UBA6: variants seen among roughly 807,000 people sequenced by gnomAD.
The protein encoded by UBA6 is ubiquitin-like modifier-activating enzyme 6.
UBA6 carries 87 observed loss-of-function variants against 148.3 expected under a neutral mutation model. That is an observed-to-expected ratio of 0.59 (90% confidence interval 0.49 to 0.70). The LOEUF (loss-of-function observed/expected upper bound fraction) is 0.70. UBA6 is among the 30% of genes least tolerant of loss of function. The pLI, the probability that UBA6 is intolerant of heterozygous loss-of-function variation, is 0.00. For synonymous variants in UBA6, 376 were observed against 401.0 expected (o/e 0.94, Z 0.75); for missense variants, 1,186 against 1,241.2 (o/e 0.96, Z 0.67).
chr4:67,658,240 A>G (rs1257331520), intron 13 of UBA6, among the ~76,000 whole-genome samples: 1 of 152,226 alleles, frequency 6.6e-6, no homozygotes, highest in Non-Finnish European at 1.5e-5. Flanking sequence ...ACAAATTCAC[A>G]CGTATGTTTA....
chr4:67,681,421 A>AT (rs955827751), intron 4 of UBA6, 142 bp downstream of exon 4: 1 of 542,218 alleles, frequency 1.8e-6, no homozygotes. Context: ...TTCTTTGTAT[A>AT]TTTTTTAAAT....
intron 13 of UBA6, among the ~76,000 whole-genome samples, chr4:67,650,888 A>C (rs141684920): frequency 6.6e-6 from 1 of 152,278 alleles, no homozygotes; most frequent in East Asian, 1.9e-4. Flanking sequence ...TTGAGAGAGA[A>C]AGCTAAAGAG....
At chr4:67,657,408 A>T (rs899629939) in intron 13 of UBA6, among the ~76,000 whole-genome samples, 1 of 152,182 alleles carries the variant, frequency 6.6e-6, no homozygotes, top group African/African-American at 2.4e-5. Context: ...TCTTTGAGAA[A>T]CCTGACAAAA....
intron 17 of UBA6, among the ~76,000 whole-genome samples, 162 bp from the exon 18 acceptor site, chr4:67,641,390 T>C (rs797017434): frequency 2.6e-5 from 4 of 152,190 alleles, no homozygotes; most frequent in African/African-American, 9.6e-5. Context: ...CCAATACTAC[T>C]CTTTTATGTT....
chr4:67,686,436 C>T (rs1052440090), intron 2 of UBA6, among the ~76,000 whole-genome samples: 6 of 152,050 alleles, frequency 3.9e-5, no homozygotes, highest in African/African-American at 1.2e-4. Context: ...ATTAACATAC[C>T]GATTTCAAGC....
chr4:67,638,236 T>G (rs1157808082), intron 19 of UBA6: 1 of 152,888 alleles, frequency 6.5e-6, no homozygotes, highest in African/African-American at 2.4e-5. Flanking sequence ...AACAGAAGAA[T>G]ATGCAAACAG....
intron 18 of UBA6, among the ~76,000 whole-genome samples, chr4:67,640,012 CTA>C (rs1729265898): frequency 1.3e-5 from 2 of 152,196 alleles, no homozygotes; most frequent in South Asian, 2.1e-4. Context: ...GATTTAGTGA[CTA>C]TTTTTAAATC....
At chr4:67,626,077 G>A (rs985965063) in intron 28 of UBA6, among the ~76,000 whole-genome samples, 13 of 151,806 alleles carry the variant, frequency 8.6e-5, no homozygotes, top group African/African-American at 2.9e-4. Context: ...TTTTAGACCT[G>A]CTCACCATCT....
chr4:67,655,790 A>G lies in UBA6; in HGVS notation c.1104+6399T>C, dbSNP rs576933320. Among the ~76,000 whole-genome samples, 44 of 152,366 alleles carry G rather than the reference A, an allele frequency of 2.9e-4. No individual in the cohort carries two copies. In the South Asian group the frequency reaches 8.9e-3, roughly 31 times the overall value. ...AAGATCAACAAATTGATAGACTGCT[A>G]GCAAGACTAATAAAGAAGAAAAGAG... On this transcript the variant is annotated intron_variant, in intron 13 of 32. Coordinates refer to ENST00000322244, the MANE Select transcript of UBA6 (RefSeq NM_018227.6).
intron 2 of UBA6, among the ~76,000 whole-genome samples, chr4:67,690,122 T>C (rs115503774): frequency 0.013 from 1,918 of 152,098 alleles, 40 homozygotes; most frequent in African/African-American, 0.042. Context: ...GAACAGACAG[T>C]TGAGGTAAAA....
intron 13 of UBA6, among the ~76,000 whole-genome samples, chr4:67,658,418 AAAAC>A (rs1482484102): frequency 3.9e-5 from 6 of 152,194 alleles, no homozygotes; most frequent in Admixed American, 3.9e-4. Context: ...AAGTGATGTA[AAAAC>A]AAACTGTAGT....
intron 2 of UBA6, among the ~76,000 whole-genome samples, chr4:67,692,481 A>C (rs1322487909): frequency 1.2e-4 from 18 of 152,158 alleles, no homozygotes; most frequent in Admixed American, 1.2e-3. Context: ...CTAACCCCTG[A>C]GCATTGGAGG....
At chr4:67,692,836 C>G (rs575677940) in intron 2 of UBA6, among the ~76,000 whole-genome samples, 2 of 152,216 alleles carry the variant, frequency 1.3e-5, no homozygotes, top group East Asian at 3.9e-4. Flanking sequence ...AGAAAGAGAA[C>G]ATCATTAAAG....
intron 10 of UBA6, among the ~76,000 whole-genome samples, chr4:67,664,695 C>CA (rs1041087796): frequency 1.1e-4 from 17 of 150,994 alleles, no homozygotes; most frequent in African/African-American, 3.2e-4. Context: ...AATTATTTTA[C>CA]ATTTCCAACA....
chr4:67,683,843 T>C (rs998057957), intron 2 of UBA6, among the ~76,000 whole-genome samples: 1 of 152,070 alleles, frequency 6.6e-6, no homozygotes, highest in African/African-American at 2.4e-5. Flanking sequence ...GAGGCCTACA[T>C]GGGTGGATTA....
chr4:67,673,870 A>G, intron 6 of UBA6, 93 bp from the exon 7 acceptor site: 1 of 793,030 alleles, frequency 1.3e-6, no homozygotes, highest in Non-Finnish European at 2.0e-6. Flanking sequence ...GCGTTGTGCT[A>G]AAGACACATC....
At chr4:67,661,918 TAAAAAAATAGCAGCAA>T (rs1729868253) in intron 13 of UBA6, 2 of 427,070 alleles carry the variant, frequency 4.7e-6, no homozygotes, top group East Asian at 6.8e-5. Flanking sequence ...TAGTAACAGT[TAAAAAAATAGCAGCAA>T]ATATTAATTA....
rs1373006407 is a variant in UBA6, at chr4:67,634,536, A to T, written c.1843-18T>A. 5.2e-6 allele frequency: 8 copies of T among 1,528,746 alleles called. No individual in the cohort carries two copies. The highest frequency in any genetic ancestry group is 7.0e-6 in the Non-Finnish European group (8 of 1,141,638). The allele number at this position is 1,528,746 out of a possible 1,614,324, so 94.7% of individuals were successfully genotyped here. ...GGATCCCGCTAATTTATAAAATATG[A>T]CAACAGGTACTTAAGGGGAAGCAAT... On this transcript the variant is annotated intron_variant, in intron 20 of 32. Transcript: ENST00000322244.
intron 1 of UBA6, among the ~76,000 whole-genome samples, chr4:67,699,607 T>C (rs1730923482): frequency 6.6e-6 from 1 of 152,138 alleles, no homozygotes; most frequent in Non-Finnish European, 1.5e-5. Context: ...TTTGTTTCTT[T>C]TCTTTTTTTT....
Sources: allele counts gnomAD v4.1 joint callset (sites outside exome capture counted in the v4.1 genomes callset), GRCh38; gene constraint gnomAD v4.1.1; transcripts MANE v1.5; gene names NCBI Gene and HGNC (gene_info 2026-07-23, HGNC 2026-07-21).